EPM2A: variants seen among roughly 807,000 people sequenced by gnomAD.
The protein encoded by EPM2A is EPM2A glucan phosphatase, laforin.
A neutral mutation model predicts 26.5 loss-of-function variants in EPM2A; 21 were observed. That is an observed-to-expected ratio of 0.79 (90% CI 0.56 to 1.14). The LOEUF (loss-of-function observed/expected upper bound fraction) is 1.14, where lower values mean the gene tolerates loss of function less well. Among genes scored for constraint, EPM2A ranks in the 50% most tolerant of loss-of-function variants. The probability of loss-of-function intolerance (pLI) is 0.00; values close to 1 mark genes in which losing one functional copy is unlikely to be tolerated. For synonymous variants in EPM2A, 217 were observed against 177.6 expected, an observed-to-expected ratio of 1.22 and a Z score of -1.76; for missense variants, 458 against 440.8, an observed-to-expected ratio of 1.04 and a Z score of -0.35.
At chr6:145,570,943 G>A (rs780142704) in intron 2 of EPM2A, among the ~76,000 whole-genome samples, 5 of 152,170 alleles carry the variant, frequency 3.3e-5, no homozygotes, top group Admixed American at 6.5e-5. Context: ...TGACTTAAAG[G>A]TAGGAGGAGA....
chr6:145,387,314 T>G (rs1374025737), intron 4 of EPM2A, among the ~76,000 whole-genome samples: 1 of 152,182 alleles, frequency 6.6e-6, no homozygotes. Flanking sequence ...GGGTTCTGCA[T>G]GCTAGGAATC....
intron 2 of EPM2A, among the ~76,000 whole-genome samples, chr6:145,547,437 A>G (rs970452747): frequency 8.5e-5 from 13 of 152,100 alleles, no homozygotes; most frequent in Admixed American, 6.6e-4. Flanking sequence ...AAAATCCCCA[A>G]TGATAAGCAA....
intron 2 of EPM2A, among the ~76,000 whole-genome samples, chr6:145,574,167 T>TGA (rs1780997775): frequency 6.6e-6 from 1 of 152,158 alleles, no homozygotes; most frequent in Admixed American, 6.5e-5. Flanking sequence ...TGAGGGGCCA[T>TGA]GATTCTCTGA....
chr6:145,505,775 TA>T (rs1344495722), intron 2 of EPM2A, among the ~76,000 whole-genome samples: 1 of 152,236 alleles, frequency 6.6e-6, no homozygotes, highest in Non-Finnish European at 1.5e-5. Flanking sequence ...ATTATTTTCT[TA>T]ATAAAAATTA....
chr6:145,649,737 G>A (rs1357027845), intron 2 of EPM2A, among the ~76,000 whole-genome samples: 1 of 152,154 alleles, frequency 6.6e-6, no homozygotes, highest in Non-Finnish European at 1.5e-5. Context: ...TTGGCACACA[G>A]CCACACTCAT....
At chr6:145,396,887 A>C (rs1280028400) in intron 4 of EPM2A, among the ~76,000 whole-genome samples, 1 of 152,192 alleles carries the variant, frequency 6.6e-6, no homozygotes, top group Non-Finnish European at 1.5e-5. Flanking sequence ...CCCTTTGAAC[A>C]TCACAGATAG....
intron 4 of EPM2A, among the ~76,000 whole-genome samples, chr6:145,393,935 T>C (rs561916392): frequency 3.6e-4 from 55 of 152,126 alleles, no homozygotes; most frequent in African/African-American, 1.3e-3. Flanking sequence ...GTGATTCTCC[T>C]GCCTCAGCCT....
At chr6:145,732,222 TGTGTGTGTGTGTGTGC>T (rs1387779988) in intron 1 of EPM2A, among the ~76,000 whole-genome samples, 1 of 112,068 alleles carries the variant, frequency 8.9e-6, no homozygotes, top group African/African-American at 3.2e-5. Context: ...TGTGTGTGTG[TGTGTGTGTGTGTGTGC>T]GCGCCAAAGT....
At position 145,451,189 on chromosome 6, in the gene EPM2A, T is replaced by C. The variant is rs113479652; in HGVS notation, c.555+51333A>G. 1.5e-3 allele frequency among the ~76,000 whole-genome samples: 224 copies of C among 152,354 alleles called. 2 individuals carry two copies. In the Middle Eastern group the frequency reaches 0.031, roughly 21 times the overall value. ...GTCCAATACATAAATACTTACCTGATGAAATCAGTGCTGATCTTACTGCAC... is the reference window on the plus strand; with the variant it reads ...GTCCAATACATAAATACTTACCTGACGAAATCAGTGCTGATCTTACTGCAC... On this transcript the variant is annotated intron_variant, in intron 4 of 4. Transcript: ENST00000638717.
In EPM2A at chr6:145,626,153, C is replaced by A; in HGVS notation, c.*1263G>T. The A allele has an allele frequency of 2.0e-6, 2 of 1,017,220 alleles. No individual in the cohort carries two copies. Among genetic ancestry groups the A allele is most frequent in the Non-Finnish European group, 2.4e-6 (2 of 848,880 alleles). The allele number at this position is 1,017,220 out of a possible 1,614,324, so 63.0% of individuals were successfully genotyped here. A position where few individuals can be genotyped will look rare whatever the true frequency, so the allele number is the denominator to read the frequency against. On this transcript the variant is annotated 3_prime_UTR_variant, in exon 4 of 4. Transcript: ENST00000367519. ...AACACTTCTCTTTCTTCTATTCTAG[C>A]ATATCATTCATGGTCCAATCCTGCA...
chr6:145,431,167 T>C (rs1778917422), intron 4 of EPM2A, among the ~76,000 whole-genome samples: 1 of 152,218 alleles, frequency 6.6e-6, no homozygotes. Context: ...AATTCACATG[T>C]AAGTAAACAT....
chr6:145,525,496 T>A (rs1478602412), intron 2 of EPM2A, among the ~76,000 whole-genome samples: 2 of 152,104 alleles, frequency 1.3e-5, no homozygotes, highest in African/African-American at 4.8e-5. Flanking sequence ...TGTTTTGTAG[T>A]TATTCTTGTA....
chr6:145,398,004 T>A, intron 4 of EPM2A, among the ~76,000 whole-genome samples: 1 of 152,202 alleles, frequency 6.6e-6, no homozygotes, highest in East Asian at 1.9e-4. Flanking sequence ...TTCACAGTTA[T>A]CATTTTCTTA....
downstream of EPM2A, among the ~76,000 whole-genome samples, chr6:145,624,108 T>C (rs1204194889): frequency 6.6e-6 from 1 of 152,180 alleles, no homozygotes; most frequent in Non-Finnish European, 1.5e-5. Context: ...AGTCTCATCT[T>C]CTATCAGTTT....
At chr6:145,551,072 T>C (rs1780648749) in intron 2 of EPM2A, among the ~76,000 whole-genome samples, 1 of 152,050 alleles carries the variant, frequency 6.6e-6, no homozygotes, top group African/African-American at 2.4e-5. Context: ...TACCTTCAAG[T>C]CAAATGTCTC....
Position 145,735,256 on chromosome 6 carries a change from C to T in EPM2A, c.243G>A (p.Val81=), listed in dbSNP as rs1406753349. The T allele has an allele frequency of 2.6e-6, 4 of 1,530,302 alleles. No homozygotes were observed. Among genetic ancestry groups the T allele is most frequent in the Middle Eastern group, 1.7e-4 (1 of 5,734 alleles). The allele number at this position is 1,530,302 out of a possible 1,614,324, so 94.8% of individuals were successfully genotyped here. ...AAQDGAEPGR[V]DTFWYKFLKR... ...TCAGGAACTTGTACCAGAACGTGTC[C>T]ACGCGGCCCGGCTCCGCCCCGTCCT... Residue 81 remains valine, a synonymous_variant, in exon 1 of 4, where the codon GTG becomes GTA. Transcript: ENST00000367519.
chr6:145,551,234 C>A (rs1262585353), intron 2 of EPM2A, among the ~76,000 whole-genome samples: 2 of 151,722 alleles, frequency 1.3e-5, no homozygotes, highest in Admixed American at 6.6e-5. Flanking sequence ...TGTTAACACA[C>A]AAAAAAAGTT....
At chr6:145,405,567 A>C (rs9497296) in intron 4 of EPM2A, among the ~76,000 whole-genome samples, 57,079 of 152,014 alleles carry the variant, frequency 0.38, 10,984 homozygotes, top group South Asian at 0.46. Flanking sequence ...AATAAGTTTT[A>C]AACTCTCCTT....
intron 2 of EPM2A, among the ~76,000 whole-genome samples, chr6:145,659,708 G>A (rs1316943790): frequency 6.6e-6 from 1 of 152,140 alleles, no homozygotes; most frequent in Non-Finnish European, 1.5e-5. Flanking sequence ...CATATTTTAA[G>A]TTTGTCCTAA....
Sources: gnomAD v4.1 joint callset for allele counts (sites outside exome capture counted in the v4.1 genomes callset) on GRCh38, gnomAD v4.1.1 for gene constraint, MANE v1.5 for transcripts, NCBI Gene and HGNC (gene_info 2026-07-23, HGNC 2026-07-21) for gene names.